The following CDIP1 variants were observed in gnomAD, a reference collection of about 807,000 sequenced individuals.
CDIP1 encodes cell death-inducing p53-target protein 1.
CDIP1 carries 9 observed loss-of-function variants against 17.7 expected under a neutral mutation model. That is an observed-to-expected ratio of 0.51 (90% confidence interval 0.31 to 0.89). The LOEUF (loss-of-function observed/expected upper bound fraction) is 0.89. CDIP1 is among the 40% of genes least tolerant of loss of function. CDIP1 has a pLI of 0.05. For synonymous variants in CDIP1, 117 were observed against 109.5 expected (o/e 1.07, Z -0.43); for missense variants, 263 against 277.9 (o/e 0.95, Z 0.38).
chr16:4,512,519 C>T lies in CDIP1; in HGVS notation c.*53G>A. The T allele has an allele frequency of 7.4e-7, 1 of 1,347,652 alleles. No homozygotes were observed. Among genetic ancestry groups the T allele is most frequent in the South Asian group, 1.2e-5 (1 of 85,478 alleles). The allele number at this position is 1,347,652 out of a possible 1,614,324, so 83.5% of individuals were successfully genotyped here. A position where few individuals can be genotyped will look rare whatever the true frequency, so the allele number is the denominator to read the frequency against. The stretch of plus-strand genomic sequence containing the variant: ...GAAAGTGACCACTGAGCACAGGGAG[C>T]AAAGCACAGGGGGCCAGACTGACAG... On this transcript the variant is annotated 3_prime_UTR_variant, in exon 6 of 6. Transcript: ENST00000567695. This position sits in a 1 kb window ranked among gnomAD's most constrained non-coding sequence, Gnocchi z 4.6.
At chr16:4,519,566 GCCCTTGCCAGA>G (rs2058923420) in intron 1 of CDIP1, among the ~76,000 whole-genome samples, 1 of 152,080 alleles carries the variant, frequency 6.6e-6, no homozygotes, top group Admixed American at 6.5e-5. Flanking sequence ...CAGCAAGAAG[GCCCTTGCCAGA>G]TGCTGGCAGT....
chr16:4,513,147 G>A lies in CDIP1; in HGVS notation c.242-83C>T. 8 of 1,358,836 alleles carry A rather than the reference G, an allele frequency of 5.9e-6. No individual in the cohort carries two copies. Among genetic ancestry groups the A allele is most frequent in the South Asian group, 1.5e-5 (1 of 68,480 alleles). The allele number at this position is 1,358,836 out of a possible 1,614,324, so 84.2% of individuals were successfully genotyped here. On this transcript the variant is annotated intron_variant, in intron 4 of 5. Transcript: ENST00000567695. The surrounding 1 kb of genome is among the most constrained non-coding windows in gnomAD (Gnocchi z 4.1). ...AAAGAGATTGGCGCAAAGCCCCACG[G>A]TCCACAGCGCCCAGCGTGCAAGGCT...
chr16:4,520,839 A>G lies in CDIP1; in HGVS notation c.-104-6175T>C, dbSNP rs1029619235. Among the ~76,000 whole-genome samples, 3 of 152,202 alleles carry G rather than the reference A, an allele frequency of 2.0e-5. No homozygotes were observed. In the East Asian group the frequency reaches 5.8e-4, roughly 29 times the overall value. ...ATTTTCAAGAAAGTGTATGCTAAAT[A>G]TCCAAATCTGAATAACCACGGTGTG... On this transcript the variant is annotated intron_variant, in intron 1 of 5. Transcript: ENST00000567695.
At chr16:4,531,886 C>G (rs193150536) in intron 1 of CDIP1, among the ~76,000 whole-genome samples, 1 of 152,222 alleles carries the variant, frequency 6.6e-6, no homozygotes, top group Non-Finnish European at 1.5e-5. Flanking sequence ...TTCATGGTAC[C>G]CAGGACAAAA....
chr16:4,512,504 A>T lies in CDIP1; in HGVS notation c.*68T>A, dbSNP rs887358512. 2 of 1,158,088 alleles carry T rather than the reference A, an allele frequency of 1.7e-6. No individual in the cohort carries two copies. The highest frequency in any genetic ancestry group is 2.6e-6 in the Non-Finnish European group (2 of 768,402). The allele number at this position is 1,158,088 out of a possible 1,614,324, so 71.7% of individuals were successfully genotyped here. ...CCCAAGTGGGAGCGGGAAAGTGACC[A>T]CTGAGCACAGGGAGCAAAGCACAGG... is the stretch of plus-strand genomic sequence containing the variant. On this transcript the variant is annotated 3_prime_UTR_variant, in exon 6 of 6. Transcript: ENST00000567695. This position sits in a 1 kb window ranked among gnomAD's most constrained non-coding sequence, Gnocchi z 4.6.
At chr16:4,537,990 G>C (rs1189334032) in intron 1 of CDIP1, among the ~76,000 whole-genome samples, 1 of 152,218 alleles carries the variant, frequency 6.6e-6, no homozygotes, top group African/African-American at 2.4e-5. Flanking sequence ...CTCCGGGACG[G>C]CCAAGGTCAC....
At chr16:4,519,721 G>GT (rs2058925033) in intron 1 of CDIP1, among the ~76,000 whole-genome samples, 1 of 152,084 alleles carries the variant, frequency 6.6e-6, no homozygotes, top group East Asian at 1.9e-4. Flanking sequence ...GGAGAAGCGA[G>GT]TGACTTCTCA....
intron 1 of CDIP1, among the ~76,000 whole-genome samples, chr16:4,520,688 G>C (rs114903537): frequency 1.3e-5 from 2 of 152,014 alleles, no homozygotes; most frequent in Admixed American, 6.6e-5. Context: ...TATTGTTAAC[G>C]CTAATCATCA....
chr16:4,522,137 A>G (rs941511708), intron 1 of CDIP1, among the ~76,000 whole-genome samples: 3 of 152,194 alleles, frequency 2.0e-5, no homozygotes, highest in African/African-American at 4.8e-5. Context: ...TCAGCTCAGC[A>G]GCGTTCCCTC....
chr16:4,516,810 C>T (rs1377002015), intron 1 of CDIP1, among the ~76,000 whole-genome samples: 1 of 148,880 alleles, frequency 6.7e-6, no homozygotes, highest in Non-Finnish European at 1.5e-5. Flanking sequence ...CGGGTCCCAG[C>T]GATTCTCCTG....
intron 1 of CDIP1, among the ~76,000 whole-genome samples, chr16:4,521,688 C>T (rs1026490124): frequency 3.0e-5 from 4 of 133,628 alleles, no homozygotes; most frequent in East Asian, 2.1e-4. Flanking sequence ...CATGGCAAGA[C>T]GTCATCAATA....
At position 4,521,700 on chromosome 16, in the gene CDIP1, TAAAAAA is replaced by T. The variant is rs111828421; in HGVS notation, c.-104-7042_-104-7037del. Among the ~76,000 whole-genome samples, 6 of 90,574 alleles carry T rather than the reference TAAAAAA, an allele frequency of 6.6e-5. No homozygotes were observed. In the South Asian group the frequency reaches 1.7e-3, roughly 26 times the overall value. 59.4% of individuals were successfully genotyped at this position (90,574 alleles called of 152,430 possible). A position where few individuals can be genotyped will look rare whatever the true frequency, so the allele number is the denominator to read the frequency against. Reference sequence around the variant, plus strand: ...CAACATGGCAAGACGTCATCAATATTAAAAAAAAAAAAAAAAAAAAAAGGCGGGGGG... The same window carrying T: ...CAACATGGCAAGACGTCATCAATATTAAAAAAAAAAAAAAAAGGCGGGGGG... On this transcript the variant is annotated intron_variant, in intron 1 of 5. Transcript: ENST00000567695.
Position 4,512,856 on chromosome 16 carries a change from G to T in CDIP1, c.450C>A (p.Thr150=). 1.3e-6 allele frequency: 2 copies of T among 1,562,778 alleles called. No homozygotes were observed. Among genetic ancestry groups the T allele is most frequent in the Non-Finnish European group, 1.7e-6 (2 of 1,152,898 alleles). The change falls in exon 5 of 6, where the codon ACC becomes ACA. Residue 150 remains threonine (T), a synonymous_variant. Transcript: ENST00000567695. This position sits in a 1 kb window ranked among gnomAD's most constrained non-coding sequence, Gnocchi z 4.6. ...TVCPHCQQAI[T]TKISYEIGLM... Reference sequence around the variant, plus strand: ...AGCCAATCTCGTAGGAGATCTTGGTGGTGATGGCCTGCTGGCAGTGGGGAC... The same window carrying T: ...AGCCAATCTCGTAGGAGATCTTGGTTGTGATGGCCTGCTGGCAGTGGGGAC...
rs1485019269 is a variant in CDIP1 at position 4,512,540 on chromosome 16, G to A, written c.*32C>T. 1 of 1,501,988 alleles carries A rather than the reference G, an allele frequency of 6.7e-7. No individual in the cohort carries two copies. Among genetic ancestry groups the A allele is most frequent in the South Asian group, 1.1e-5 (1 of 88,810 alleles). 93.0% of individuals were successfully genotyped at this position (1,501,988 alleles called of 1,614,324 possible). A position where few individuals can be genotyped will look rare whatever the true frequency, so the allele number is the denominator to read the frequency against. Reference sequence around the variant, plus strand: ...GGAGCAAAGCACAGGGGGCCAGACTGACAGGCGGGGGAGTCCCGAGTCCCA... The same window carrying A: ...GGAGCAAAGCACAGGGGGCCAGACTAACAGGCGGGGGAGTCCCGAGTCCCA... On this transcript the variant is annotated 3_prime_UTR_variant, in exon 6 of 6. Transcript: ENST00000567695. The surrounding 1 kb of genome is among the most constrained non-coding windows in gnomAD (Gnocchi z 4.6).
intron 1 of CDIP1, among the ~76,000 whole-genome samples, chr16:4,531,492 A>G (rs2059056502): frequency 2.6e-5 from 4 of 152,206 alleles, no homozygotes; most frequent in Admixed American, 2.6e-4. Flanking sequence ...CAAGGCCATC[A>G]GAGATGACTG....
In CDIP1 at chr16:4,513,724, CAT is replaced by C. The variant is rs758309755; in HGVS notation, c.211_212del (p.Met71GlufsTer63). 4.5e-5 allele frequency: 73 copies of C among 1,613,658 alleles called. No individual in the cohort carries two copies. Among genetic ancestry groups the C allele is most frequent in the Non-Finnish European group, 5.3e-5 (62 of 1,179,834 alleles). On this transcript the variant is annotated frameshift_variant, in exon 4 of 6. Transcript: ENST00000567695. LOFTEE classifies it high-confidence loss of function. This position sits in a 1 kb window ranked among gnomAD's most constrained non-coding sequence, Gnocchi z 4.1. ...GAGGCATGTAGGTGCCATCTGCACTCATGTGTGGTGGGATGAAGCCAGGCTGG... is the reference window on the plus strand; with the variant it reads ...GAGGCATGTAGGTGCCATCTGCACTCGTGTGGTGGGATGAAGCCAGGCTGG... Reference protein sequence around the residue: ...MPQPGFIPPHMSADGTYMPPG... With the variant: ...MPQPGFIPPHXSADGTYMPPG...
chr16:4,511,707 G>A lies in CDIP1; in HGVS notation c.*865C>T, dbSNP rs1374711873. On this transcript the variant is annotated 3_prime_UTR_variant, in exon 6 of 6. Coordinates refer to ENST00000567695, the MANE Select transcript of CDIP1 (RefSeq NM_013399.3). ...GGGACCCTCTGCCATCTCTTGCCCA[G>A]TTGGGATACACCAGCCACCAGGCAG... 6.6e-6 allele frequency: 1 copy of A among 152,384 alleles called. No individual in the cohort carries two copies. Among genetic ancestry groups the A allele is most frequent in the Non-Finnish European group, 1.5e-5 (1 of 68,188 alleles). The allele number at this position is 152,384 out of a possible 1,614,324, so 9.4% of individuals were successfully genotyped here.
rs61754929 is a variant in CDIP1 at position 4,512,946 on chromosome 16, T to C, written c.360A>G (p.Gly120=). ...GHTATVLVPS[G]AATTVTVLQG... ...GCAGCACTGTCACCGTGGTGGCAGCTCCTGAAGGGACCAGGACTGTGGCTG... is the reference window on the plus strand; with the variant it reads ...GCAGCACTGTCACCGTGGTGGCAGCCCCTGAAGGGACCAGGACTGTGGCTG... Residue 120 remains glycine, a synonymous_variant, in exon 5 of 6, where the codon GGA becomes GGG. Coordinates refer to ENST00000567695, the MANE Select transcript of CDIP1 (RefSeq NM_013399.3). This position sits in a 1 kb window ranked among gnomAD's most constrained non-coding sequence, Gnocchi z 4.6. 7.1e-5 allele frequency: 113 copies of C among 1,584,932 alleles called. No homozygotes were observed. The African/African-American group carries it at 1.4e-3, about 19-fold the overall frequency.
chr16:4,512,833 C>T lies in CDIP1; in HGVS notation c.473G>A (p.Gly158Asp). 6.4e-7 allele frequency: 1 copy of T among 1,563,918 alleles called. No homozygotes were observed. Among genetic ancestry groups the T allele is most frequent in the Admixed American group, 1.9e-5 (1 of 51,592 alleles). Residue 158 changes from glycine (G) to aspartate (D), a missense_variant, in exon 5 of 6, where the codon GGC becomes GAC. Transcript: ENST00000567695. The surrounding 1 kb of genome is among the most constrained non-coding windows in gnomAD (Gnocchi z 4.6). ...AITTKISYEI[G>D]LMNFVLGFFC... Reference sequence around the variant, plus strand: ...GAAACCCAGCACGAAATTCATCAAGCCAATCTCGTAGGAGATCTTGGTGGT... The same window carrying T: ...GAAACCCAGCACGAAATTCATCAAGTCAATCTCGTAGGAGATCTTGGTGGT...
Sources: gnomAD v4.1 joint callset for allele counts (sites outside exome capture counted in the v4.1 genomes callset) on GRCh38, gnomAD v4.1.1 for gene constraint, Gnocchi (gnomAD v3.1) non-coding constraint, MANE v1.5 for transcripts, NCBI Gene and HGNC (gene_info 2026-07-23, HGNC 2026-07-21) for gene names.